ALK: variants seen among roughly 807,000 people sequenced by gnomAD.
ALK encodes the protein ALK receptor tyrosine kinase, also known as ALK tyrosine kinase receptor.
Under a neutral mutation model 163.1 loss-of-function variants are expected in ALK, and 74 were observed. The ratio of observed to expected loss-of-function variants is 0.45; its 90% CI spans 0.38 to 0.55. The LOEUF is 0.55. Among genes scored for constraint, ALK ranks in the 20% least tolerant of loss-of-function variants. The pLI is 0.00. For synonymous variants in ALK, 960 were observed against 843.2 expected, an observed-to-expected ratio of 1.14 and a Z score of -2.40; for missense variants, 2,063 against 2,105.3, an observed-to-expected ratio of 0.98 and a Z score of 0.39.
intron 2 of ALK, among the ~76,000 whole-genome samples, chr2:29,709,748 A>T (rs1679018262): frequency 6.6e-6 from 1 of 152,164 alleles, no homozygotes; most frequent in Non-Finnish European, 1.5e-5. Context: ...TACTTGCTAT[A>T]TGGTATCCAA....
chr2:29,310,870 C>T (rs7599686), intron 8 of ALK, among the ~76,000 whole-genome samples: 73,485 of 152,100 alleles, frequency 0.48, 18,996 homozygotes, highest in East Asian at 0.79. Context: ...TAAGCTTTGA[C>T]ACACAGGGGA....
chr2:29,430,002 C>A (rs529034036), intron 4 of ALK, among the ~76,000 whole-genome samples: 56 of 152,044 alleles, frequency 3.7e-4, no homozygotes, highest in African/African-American at 1.3e-3. Flanking sequence ...AATGGCATAT[C>A]CAATGCAAAA....
intron 1 of ALK, among the ~76,000 whole-genome samples, chr2:29,895,364 C>T (rs926363963): frequency 6.6e-6 from 1 of 152,158 alleles, no homozygotes; most frequent in African/African-American, 2.4e-5. Flanking sequence ...TGAGAGTGAA[C>T]AAAGGTTAAA....
chr2:29,684,403 G>A (rs1678176424), intron 3 of ALK, among the ~76,000 whole-genome samples: 2 of 152,106 alleles, frequency 1.3e-5, no homozygotes, highest in African/African-American at 4.8e-5. Flanking sequence ...CTCAGCACAG[G>A]GCTCCTTCCA....
At chr2:29,315,604 G>T (rs928184858) in intron 8 of ALK, among the ~76,000 whole-genome samples, 3 of 152,164 alleles carry the variant, frequency 2.0e-5, no homozygotes, top group Non-Finnish European at 4.4e-5. Flanking sequence ...GTTTAAAAAT[G>T]CAGAGCCCTG....
chr2:29,920,426 C>A lies in ALK; in HGVS notation c.234G>T (p.Ser78=). The change falls in exon 1 of 29, where the codon TCG becomes TCT. Residue 78 remains serine, a synonymous_variant. Coordinates refer to ENST00000389048, the MANE Select transcript of ALK (RefSeq NM_004304.5). ...ARDLLLPPSS[S]ELKAGRPEAR... ...CCTCGGGCCTGCCAGCCTTCAGCTC[C>A]GAGGAGGATGGTGGCAGCAGTAGGT... is the stretch of plus-strand genomic sequence containing the variant. 1 of 1,602,732 alleles carries A rather than the reference C, an allele frequency of 6.2e-7. No homozygotes were observed. The highest frequency in any genetic ancestry group is 1.7e-5 in the Admixed American group (1 of 58,812).
At chr2:29,286,548 C>G (rs1204318437) in intron 9 of ALK, 1 of 152,150 alleles carries the variant, frequency 6.6e-6, no homozygotes, top group South Asian at 2.1e-4. Context: ...TCCAGGTGAT[C>G]ATAATGTTCA....
intron 4 of ALK, among the ~76,000 whole-genome samples, chr2:29,507,291 C>T (rs549323686): frequency 1.3e-5 from 2 of 152,096 alleles, no homozygotes; most frequent in South Asian, 2.1e-4. Context: ...CAAATACCAT[C>T]GAATTCTACA....
intron 28 of ALK, among the ~76,000 whole-genome samples, chr2:29,195,126 T>C (rs1476316183): frequency 6.6e-6 from 1 of 152,228 alleles, no homozygotes; most frequent in African/African-American, 2.4e-5. Context: ...GTTTTAGTAA[T>C]TTCTATAGTG....
At chr2:29,735,009 A>T (rs899346998) in intron 1 of ALK, among the ~76,000 whole-genome samples, 2 of 152,204 alleles carry the variant, frequency 1.3e-5, no homozygotes, top group African/African-American at 4.8e-5. Flanking sequence ...TGCTATGCAC[A>T]TGGATCATTT....
chr2:29,408,207 C>G (rs911949527), intron 4 of ALK, among the ~76,000 whole-genome samples: 1 of 151,400 alleles, frequency 6.6e-6, no homozygotes, highest in African/African-American at 2.4e-5. Context: ...CTCAGCCTCT[C>G]GAGTACCTGG....
intron 25 of ALK, chr2:29,208,109 G>A: frequency 4.4e-6 from 2 of 451,362 alleles, no homozygotes; most frequent in Non-Finnish European, 9.0e-6. Context: ...TTTAGTGGAA[G>A]AAATGGATAT....
At chr2:29,362,956 C>T (rs971181150) in intron 5 of ALK, among the ~76,000 whole-genome samples, 13 of 152,198 alleles carry the variant, frequency 8.5e-5, no homozygotes, top group African/African-American at 3.1e-4. Context: ...AACTCCCCAT[C>T]TAGTATTTCC....
At chr2:29,343,874 A>C (rs1188289166) in intron 5 of ALK, among the ~76,000 whole-genome samples, 1 of 152,156 alleles carries the variant, frequency 6.6e-6, no homozygotes, top group South Asian at 2.1e-4. Flanking sequence ...CACTTTTACA[A>C]GTCTTTCTCA....
intron 22 of ALK, 126 bp from the exon 23 acceptor site, chr2:29,220,961 A>G: frequency 7.3e-7 from 1 of 1,370,420 alleles, no homozygotes; most frequent in South Asian, 1.2e-5. Flanking sequence ...TTCTGTAAAC[A>G]TGGGCAGCAG....
At chr2:29,750,709 C>CAGGCAGGA (rs1558471782) in intron 1 of ALK, among the ~76,000 whole-genome samples, 61 of 109,956 alleles carry the variant, frequency 5.5e-4, no homozygotes, top group East Asian at 2.2e-3. Flanking sequence ...GGCAGGCAGG[C>CAGGCAGGA]AGGAAGGAAG....
At chr2:29,252,996 T>C (rs1022025429) in intron 11 of ALK, among the ~76,000 whole-genome samples, 1 of 151,966 alleles carries the variant, frequency 6.6e-6, no homozygotes, top group Non-Finnish European at 1.5e-5. Flanking sequence ...AGCTAATTTT[T>C]AAAACTTTTT....
chr2:29,298,323 C>T (rs2148232278), intron 8 of ALK, among the ~76,000 whole-genome samples: 1 of 152,276 alleles, frequency 6.6e-6, no homozygotes, highest in South Asian at 2.1e-4. Context: ...ATGAATGAAT[C>T]TGTTAATTTT....
At chr2:29,234,023 CAG>C (rs1163086607) in intron 13 of ALK, among the ~76,000 whole-genome samples, 2 of 151,630 alleles carry the variant, frequency 1.3e-5, no homozygotes, top group Non-Finnish European at 2.9e-5. Flanking sequence ...GTTTTTTTCA[CAG>C]AGAGTGGGGC....
Sources: allele counts gnomAD v4.1 joint callset (sites outside exome capture counted in the v4.1 genomes callset), GRCh38; gene constraint gnomAD v4.1.1; transcripts MANE v1.5; gene names NCBI Gene and HGNC (gene_info 2026-07-23, HGNC 2026-07-21).